The following BEND6 variants were observed in gnomAD, a reference collection of about 807,000 sequenced individuals.
BEND6 encodes BEN domain-containing protein 6.
BEND6 carries 24 observed loss-of-function variants against 31.8 expected under a neutral mutation model. The ratio of observed to expected loss-of-function variants is 0.75; its 90% CI spans 0.55 to 1.06. The LOEUF is 1.06. Ranked by LOEUF, BEND6 falls within the 50% of genes least tolerant of loss-of-function variation. The pLI is 0.00. For synonymous variants in BEND6, 109 were observed against 114.6 expected, an observed-to-expected ratio of 0.95 and a Z score of 0.31; for missense variants, 294 against 327.4, an observed-to-expected ratio of 0.90 and a Z score of 0.79.
chr6:56,993,195 T>C lies in BEND6; in HGVS notation c.298+640T>C, dbSNP rs1272160911. Reference sequence around the variant, plus strand: ...GGCTTAATGCCTTTTTGTAGGATCCTATGTGATGTTCATGTGTTTATTTTT... The same window carrying C: ...GGCTTAATGCCTTTTTGTAGGATCCCATGTGATGTTCATGTGTTTATTTTT... On this transcript the variant is annotated intron_variant, in intron 3 of 6. Transcript: ENST00000370746. 2.6e-5 allele frequency among the ~76,000 whole-genome samples: 4 copies of C among 152,256 alleles called. No homozygotes were observed. In the East Asian group the frequency reaches 7.7e-4, roughly 29 times the overall value.
chr6:56,987,357 C>G (rs987116656), intron 2 of BEND6, among the ~76,000 whole-genome samples: 5 of 152,208 alleles, frequency 3.3e-5, no homozygotes, highest in African/African-American at 9.6e-5. Context: ...GATTCTCCAG[C>G]TGTTTTGCAT....
Position 56,999,140 on chromosome 6 carries a change from GGTGCA to G in BEND6, c.298+6589_298+6593del, listed in dbSNP as rs2127871231. ...CCCACCCTTCTTGGGCATAAATCTT[GGTGCA>G]GTGGGACTCTCTCCACTCCATGCCC... On this transcript the variant is annotated intron_variant, in intron 3 of 6. Coordinates refer to ENST00000370746, the MANE Select transcript of BEND6 (RefSeq NM_152731.3). Among the ~76,000 whole-genome samples, 3 of 152,136 alleles carry G rather than the reference GGTGCA, an allele frequency of 2.0e-5. No individual in the cohort carries two copies. The South Asian group carries it at 6.2e-4, about 32-fold the overall frequency.
At chr6:56,967,885 A>T (rs1825541179) in intron 1 of BEND6, among the ~76,000 whole-genome samples, 1 of 152,238 alleles carries the variant, frequency 6.6e-6, no homozygotes, top group Non-Finnish European at 1.5e-5. Flanking sequence ...CGTGGACCTC[A>T]GCTCCCTCAT....
At chr6:56,981,480 T>C (rs1290801170) in intron 1 of BEND6, among the ~76,000 whole-genome samples, 1 of 152,224 alleles carries the variant, frequency 6.6e-6, no homozygotes, top group Non-Finnish European at 1.5e-5. Context: ...TTACAATATT[T>C]GATTTTGTAA....
At chr6:57,004,834 C>G (rs1179174322) in intron 3 of BEND6, 1 of 705,460 alleles carries the variant, frequency 1.4e-6, no homozygotes, top group Non-Finnish European at 2.6e-6. Context: ...GACTTGAGAC[C>G]AGCCTGGGCA....
chr6:56,964,980 T>C (rs1825418813), intron 1 of BEND6, among the ~76,000 whole-genome samples: 1 of 152,246 alleles, frequency 6.6e-6, no homozygotes, highest in Non-Finnish European at 1.5e-5. Context: ...TTAACTGGTT[T>C]CTTAGTTCTG....
At chr6:56,986,025 A>G (rs948326933) in intron 2 of BEND6, among the ~76,000 whole-genome samples, 10 of 152,206 alleles carry the variant, frequency 6.6e-5, no homozygotes. Context: ...GAACTAGACC[A>G]TAGATACTAA....
At chr6:57,022,438 T>C (rs1394855944) in intron 6 of BEND6, among the ~76,000 whole-genome samples, 1 of 152,134 alleles carries the variant, frequency 6.6e-6, no homozygotes, top group Admixed American at 6.5e-5. Context: ...TACTCTCTAA[T>C]GAGTCTTTGT....
At chr6:56,966,377 C>T (rs751530171) in intron 1 of BEND6, among the ~76,000 whole-genome samples, 1 of 152,192 alleles carries the variant, frequency 6.6e-6, no homozygotes, top group African/African-American at 2.4e-5. Context: ...GCTAGGATTA[C>T]AGGCGTGAGC....
intron 3 of BEND6, among the ~76,000 whole-genome samples, chr6:56,993,564 T>A (rs1323391990): frequency 2.0e-5 from 3 of 152,228 alleles, no homozygotes; most frequent in Non-Finnish European, 4.4e-5. Flanking sequence ...TTGAGAGTAA[T>A]GATTCACATC....
At chr6:56,990,796 C>T (rs1428763490) in intron 2 of BEND6, among the ~76,000 whole-genome samples, 2 of 152,108 alleles carry the variant, frequency 1.3e-5, no homozygotes, top group Non-Finnish European at 2.9e-5. Context: ...TCAATTTTGG[C>T]ATAATCAATT....
chr6:57,004,151 A>C (rs1827059905), intron 3 of BEND6, among the ~76,000 whole-genome samples: 2 of 152,180 alleles, frequency 1.3e-5, no homozygotes, highest in African/African-American at 4.8e-5. Flanking sequence ...ACTCCTATTC[A>C]ACCTAGTACT....
chr6:57,025,641 A>G (rs1309890033), intron 6 of BEND6, among the ~76,000 whole-genome samples: 1 of 152,238 alleles, frequency 6.6e-6, no homozygotes, highest in Non-Finnish European at 1.5e-5. Context: ...ATGATGAGGA[A>G]GCTCACTGTC....
chr6:56,996,371 CA>C (rs748651230), intron 3 of BEND6, among the ~76,000 whole-genome samples: 62 of 152,058 alleles, frequency 4.1e-4, no homozygotes, highest in Non-Finnish European at 7.4e-4. Context: ...TGCTTGAACC[CA>C]GGAGGTTGAG....
intron 1 of BEND6, among the ~76,000 whole-genome samples, chr6:56,960,792 A>T (rs1446730882): frequency 6.6e-6 from 1 of 152,258 alleles, no homozygotes; most frequent in Non-Finnish European, 1.5e-5. Context: ...GAGATTATTG[A>T]TACCTCAATG....
At chr6:57,002,284 C>G (rs369671994) in intron 3 of BEND6, among the ~76,000 whole-genome samples, 3 of 152,122 alleles carry the variant, frequency 2.0e-5, no homozygotes, top group Admixed American at 6.5e-5. Context: ...GAACACCCCA[C>G]TGACAACATT....
At position 57,017,211 on chromosome 6, in the gene BEND6, A is replaced by G. The variant is rs919755172; in HGVS notation, c.524A>G (p.Gln175Arg). 2 of 1,573,486 alleles carry G rather than the reference A, an allele frequency of 1.3e-6. No homozygotes were observed. Among genetic ancestry groups the G allele is most frequent in the Non-Finnish European group, 1.7e-6 (2 of 1,161,566 alleles). Reference protein sequence around the residue: ...EEHQTDEKQFQIEKWQIARCN... With the variant: ...EEHQTDEKQFRIEKWQIARCN... ...AACTCTTTCTTATCTTTTTAGTTCC[A>G]GATTGAAAAATGGCAGATTGCCCGT... The change falls in exon 5 of 7, where the codon CAG becomes CGG. Residue 175 changes from glutamine to arginine, a missense_variant. Gln to Arg is a conservative substitution (Grantham distance 43). Coordinates refer to ENST00000370746, the MANE Select transcript of BEND6 (RefSeq NM_152731.3).
intron 6 of BEND6, 89 bp downstream of exon 6, chr6:57,018,646 C>G: frequency 8.1e-7 from 1 of 1,241,514 alleles, no homozygotes; most frequent in Non-Finnish European, 1.0e-6. Flanking sequence ...TCCAATCACT[C>G]TACTAGAAAA....
intron 1 of BEND6, among the ~76,000 whole-genome samples, chr6:56,967,274 G>A (rs919157386): frequency 2.6e-5 from 4 of 152,204 alleles, no homozygotes; most frequent in African/African-American, 9.7e-5. Context: ...TGTGGGCTGA[G>A]TATAGGGAAA....
Sources: allele counts gnomAD v4.1 joint callset (sites outside exome capture counted in the v4.1 genomes callset), GRCh38; gene constraint gnomAD v4.1.1; transcripts MANE v1.5; gene names NCBI Gene and HGNC (gene_info 2026-07-23, HGNC 2026-07-21).